PACS1: variants seen among roughly 807,000 people sequenced by gnomAD.
The protein encoded by PACS1 is phosphofurin acidic cluster sorting protein 1, also known as PACS-1.
A neutral mutation model predicts 115.0 loss-of-function variants in PACS1; 24 were observed. The ratio of observed to expected loss-of-function variants is 0.21; its 90% CI spans 0.15 to 0.29. The LOEUF (loss-of-function observed/expected upper bound fraction) is 0.29. Among genes scored for constraint, PACS1 ranks in the 10% least tolerant of loss-of-function variants. The pLI, the probability that PACS1 is intolerant of heterozygous loss-of-function variation, is 1.00. For synonymous variants in PACS1, 453 were observed against 504.5 expected, an observed-to-expected ratio of 0.90 and a Z score of 1.37; for missense variants, 838 against 1,251.2, an observed-to-expected ratio of 0.67 and a Z score of 4.98.
chr11:66,179,712 TCTTTA>T (rs1859956444), intron 1 of PACS1, among the ~76,000 whole-genome samples: 1 of 152,240 alleles, frequency 6.6e-6, no homozygotes, highest in Admixed American at 6.5e-5. Flanking sequence ...CTTTGTTTAA[TCTTTA>T]CTTCAGTTGT....
chr11:66,191,813 CAGG>C (rs1439334885), intron 1 of PACS1, among the ~76,000 whole-genome samples: 6 of 152,142 alleles, frequency 3.9e-5, no homozygotes, highest in African/African-American at 1.4e-4. Context: ...CACCTGAGGT[CAGG>C]AGTTCGAGAC....
intron 1 of PACS1, among the ~76,000 whole-genome samples, chr11:66,095,710 G>A (rs1432316741): frequency 6.6e-6 from 1 of 152,116 alleles, no homozygotes; most frequent in Non-Finnish European, 1.5e-5. Context: ...CACCCGCCTT[G>A]GCCTCCCAAA....
chr11:66,119,416 C>G lies in PACS1; in HGVS notation c.356+48574C>G, dbSNP rs538162726. ...ACAGTTGCATCAGAGACCTTATGGCCTGCTAGGCCAGAAATGTTAAGCCCT... is the reference window on the plus strand; with the variant it reads ...ACAGTTGCATCAGAGACCTTATGGCGTGCTAGGCCAGAAATGTTAAGCCCT... On this transcript the variant is annotated intron_variant, in intron 1 of 23. Transcript: ENST00000320580. Among the ~76,000 whole-genome samples, 73 of 152,324 alleles carry G rather than the reference C, an allele frequency of 4.8e-4. 1 individual carries two copies. The highest frequency in any genetic ancestry group is 4.6e-3 in the Admixed American group (71 of 15,296).
chr11:66,075,997 A>G (rs538461315), intron 1 of PACS1, among the ~76,000 whole-genome samples: 18 of 152,336 alleles, frequency 1.2e-4, no homozygotes, highest in Admixed American at 9.8e-4. Context: ...TTGGCCTTCC[A>G]AAGTGCTGGG....
chr11:66,133,857 A>G (rs904909045), intron 1 of PACS1, among the ~76,000 whole-genome samples: 2 of 151,952 alleles, frequency 1.3e-5, no homozygotes, highest in African/African-American at 2.4e-5. Context: ...TTTTTTTCCC[A>G]TCACAAATTT....
At chr11:66,093,045 C>G (rs1196253673) in intron 1 of PACS1, among the ~76,000 whole-genome samples, 10 of 152,012 alleles carry the variant, frequency 6.6e-5, no homozygotes, top group Non-Finnish European at 1.3e-4. Flanking sequence ...TTTTCCAATT[C>G]TGTGAAGAAA....
intron 1 of PACS1, among the ~76,000 whole-genome samples, chr11:66,136,655 T>A (rs1478242644): frequency 6.6e-6 from 1 of 152,098 alleles, no homozygotes. Context: ...AAAAACTTCA[T>A]ACAAGTTGAC....
chr11:66,184,461 G>A (rs2134660299), intron 1 of PACS1, among the ~76,000 whole-genome samples: 1 of 152,202 alleles, frequency 6.6e-6, no homozygotes, highest in Admixed American at 6.5e-5. Flanking sequence ...ATTATTCAAG[G>A]CTGTTTCTCC....
At chr11:66,112,436 A>G (rs1858211056) in intron 1 of PACS1, among the ~76,000 whole-genome samples, 1 of 152,118 alleles carries the variant, frequency 6.6e-6, no homozygotes, top group African/African-American at 2.4e-5. Flanking sequence ...TTCAGGTCTC[A>G]CTCAGCGCAG....
chr11:66,156,670 C>T (rs554208706), intron 1 of PACS1, among the ~76,000 whole-genome samples: 4 of 152,048 alleles, frequency 2.6e-5, no homozygotes, highest in South Asian at 4.2e-4. Flanking sequence ...CTGGCTAACA[C>T]GGTGAAACCC....
chr11:66,164,628 T>TATATAATACATATATATA (rs1859562923), intron 1 of PACS1, among the ~76,000 whole-genome samples: 1 of 100,732 alleles, frequency 9.9e-6, no homozygotes, highest in African/African-American at 3.6e-5. Context: ...TATTTTTTTT[T>TATATAATACATATATATA]TGTAAAGACG....
rs1419597353 is a variant in PACS1, at chr11:66,233,704, A to G, written c.1839-81A>G. 6 of 1,408,332 alleles carry G rather than the reference A, an allele frequency of 4.3e-6. No homozygotes were observed. The African/African-American group carries it at 8.6e-5, about 20-fold the overall frequency. 87.2% of individuals were successfully genotyped at this position (1,408,332 alleles called of 1,614,324 possible). The stretch of plus-strand genomic sequence containing the variant: ...TTTTCCCCTGTGGGTTGTTGAGATC[A>G]CAGAAAGTCAGCTCTGGGCCTCCCC... On this transcript the variant is annotated intron_variant, in intron 15 of 23. Transcript: ENST00000320580. The surrounding 1 kb of genome is among the most constrained non-coding windows in gnomAD (Gnocchi z 4.5).
chr11:66,101,194 A>T lies in PACS1; in HGVS notation c.356+30352A>T, dbSNP rs74235289. On this transcript the variant is annotated intron_variant, in intron 1 of 23. Transcript: ENST00000320580. ...TCAGTATTTTTAATTCATTTTTTTTAAAAGTTTTAAACACTTACATCTACT... is the reference window on the plus strand; with the variant it reads ...TCAGTATTTTTAATTCATTTTTTTTTAAAGTTTTAAACACTTACATCTACT... Among the ~76,000 whole-genome samples the T allele has an allele frequency of 8.8e-3, 1,345 of 152,240 alleles. 90 individuals carry two copies. The East Asian group carries it at 0.17, about 20-fold the overall frequency.
chr11:66,220,824 C>T (rs1855327182), intron 9 of PACS1, 33 bp downstream of exon 9: 6 of 1,604,184 alleles, frequency 3.7e-6, no homozygotes, highest in Non-Finnish European at 5.1e-6. Flanking sequence ...GGCCTCCAGA[C>T]TCTCCTTCCT....
At chr11:66,090,194 ACTTGGCTTGGCTTGG>A (rs373877149) in intron 1 of PACS1, among the ~76,000 whole-genome samples, 1 of 147,690 alleles carries the variant, frequency 6.8e-6, no homozygotes, top group South Asian at 2.2e-4. Context: ...GCTTGACTTG[ACTTGGCTTGGCTTGG>A]CTTGGCTTGG....
At chr11:66,228,291 C>G (rs1448175481) in intron 11 of PACS1, among the ~76,000 whole-genome samples, 6 of 152,012 alleles carry the variant, frequency 3.9e-5, no homozygotes, top group African/African-American at 1.5e-4. Flanking sequence ...TTACAGAATG[C>G]CATCTAGGGA....
intron 1 of PACS1, among the ~76,000 whole-genome samples, chr11:66,082,141 T>G (rs1383402255): frequency 6.6e-6 from 1 of 152,242 alleles, no homozygotes; most frequent in East Asian, 1.9e-4. Flanking sequence ...TAATGATGAA[T>G]GGATTCTCAT....
intron 1 of PACS1, among the ~76,000 whole-genome samples, chr11:66,101,331 T>G (rs1465891740): frequency 1.3e-5 from 2 of 152,234 alleles, no homozygotes; most frequent in African/African-American, 2.4e-5. Flanking sequence ...TTCATTCTTG[T>G]GTGATACAGA....
At chr11:66,105,022 T>C (rs900820333) in intron 1 of PACS1, among the ~76,000 whole-genome samples, 2 of 152,240 alleles carry the variant, frequency 1.3e-5, no homozygotes, top group Admixed American at 6.5e-5. Flanking sequence ...ACAAGGATGA[T>C]ATATTTGTAG....
Sources: gnomAD v4.1 joint callset for allele counts (sites outside exome capture counted in the v4.1 genomes callset) on GRCh38, gnomAD v4.1.1 for gene constraint, Gnocchi (gnomAD v3.1) non-coding constraint, MANE v1.5 for transcripts, NCBI Gene and HGNC (gene_info 2026-07-23, HGNC 2026-07-21) for gene names.